PEX14: variants seen among roughly 807,000 people sequenced by gnomAD.
PEX14 encodes the protein peroxisomal membrane protein PEX14.
Under a neutral mutation model 49.5 loss-of-function variants are expected in PEX14, and 15 were observed. The observed-to-expected ratio is 0.30, with a 90% CI of 0.20 to 0.47. PEX14 has a LOEUF of 0.47. PEX14 is among the 20% of genes least tolerant of loss of function. PEX14 has a pLI of 1.00. For missense variants in PEX14, 398 were observed against 494.8 expected (o/e 0.80, Z 1.86); for synonymous variants, 210 against 212.7 (o/e 0.99, Z 0.11).
chr1:10,520,153 T>TTTTTTTTTTTTTG (rs754714815), intron 2 of PEX14, among the ~76,000 whole-genome samples: 13 of 91,912 alleles, frequency 1.4e-4, no homozygotes, highest in Admixed American at 1.1e-3. Context: ...TTCTTCTTTT[T>TTTTTTTTTTTTTG]TTTTTTTTTG....
intron 2 of PEX14, among the ~76,000 whole-genome samples, chr1:10,508,704 C>T (rs1641832508): frequency 6.6e-6 from 1 of 152,232 alleles, no homozygotes; most frequent in Non-Finnish European, 1.5e-5. Flanking sequence ...TGGTTGCAGT[C>T]CACACGGGGA....
At chr1:10,487,212 G>A (rs1641385235) in intron 1 of PEX14, among the ~76,000 whole-genome samples, 1 of 151,672 alleles carries the variant, frequency 6.6e-6, no homozygotes, top group African/African-American at 2.4e-5. Flanking sequence ...ATTTCGTTAA[G>A]GATTTTAACA....
intron 3 of PEX14, among the ~76,000 whole-genome samples, chr1:10,598,648 C>T (rs940602801): frequency 1.7e-4 from 26 of 152,336 alleles, no homozygotes; most frequent in African/African-American, 6.3e-4. Flanking sequence ...AAGTTTGGGC[C>T]TGGCCTTGTT....
chr1:10,618,363 C>T lies in PEX14; in HGVS notation c.330C>T (p.Gly110=), dbSNP rs772527603. The part of the protein sequence containing the change: ...SPAGSRWRDY[G]ALAIIMAGIA... ...CAGGCTCCCGATGGCGAGATTACGG[C>T]GCCCTGGCCATCATCATGGCAGGCA... is the stretch of plus-strand genomic sequence containing the variant. Residue 110 remains glycine, a synonymous_variant, in exon 5 of 9, where the codon GGC becomes GGT. Transcript: ENST00000356607. 1.2e-5 allele frequency: 20 copies of T among 1,613,790 alleles called. No homozygotes were observed. Among genetic ancestry groups the T allele is most frequent in the Middle Eastern group, 1.6e-4 (1 of 6,084 alleles).
intron 1 of PEX14, among the ~76,000 whole-genome samples, chr1:10,481,382 C>T (rs989138284): frequency 1.3e-5 from 2 of 152,090 alleles, no homozygotes; most frequent in Non-Finnish European, 2.9e-5. Context: ...TCAAGTGATC[C>T]ACCCACCTCG....
chr1:10,532,607 T>G (rs1439765804), intron 2 of PEX14, among the ~76,000 whole-genome samples: 3 of 152,206 alleles, frequency 2.0e-5, no homozygotes, highest in Non-Finnish European at 2.9e-5. Flanking sequence ...TCTCCCTGGC[T>G]TGCTGCACTC....
intron 4 of PEX14, among the ~76,000 whole-genome samples, chr1:10,614,112 T>C (rs1284761101): frequency 6.6e-6 from 1 of 151,970 alleles, no homozygotes; most frequent in African/African-American, 2.4e-5. Flanking sequence ...TGGCTGGGAG[T>C]TTGAGCTAGT....
intron 1 of PEX14, among the ~76,000 whole-genome samples, chr1:10,479,195 A>G (rs987398157): frequency 1.3e-5 from 2 of 151,900 alleles, no homozygotes; most frequent in South Asian, 4.2e-4. Flanking sequence ...TTTGCAATAT[A>G]GGGAGACCTC....
chr1:10,560,502 A>G (rs1376254280), intron 3 of PEX14, among the ~76,000 whole-genome samples: 1 of 152,066 alleles, frequency 6.6e-6, no homozygotes, highest in East Asian at 1.9e-4. Flanking sequence ...ATCTGGGACC[A>G]CAGGTGTGCA....
chr1:10,586,973 G>C (rs1640512680), intron 3 of PEX14, among the ~76,000 whole-genome samples: 1 of 151,938 alleles, frequency 6.6e-6, no homozygotes, highest in African/African-American at 2.4e-5. Flanking sequence ...CAAGCAAACT[G>C]AATCTGTGGT....
rs138362067 is a variant in PEX14, at chr1:10,579,930, C to T, written c.170-19308C>T. Among the ~76,000 whole-genome samples the T allele has an allele frequency of 2.6e-5, 4 of 152,124 alleles. 1 individual carries two copies. The East Asian group carries it at 7.8e-4, about 30-fold the overall frequency. ...TTTGGAAATGCATCCCAGTAGGTTTCAGCCTCATTTTACCCAGCTCCTACT... is the reference window on the plus strand; with the variant it reads ...TTTGGAAATGCATCCCAGTAGGTTTTAGCCTCATTTTACCCAGCTCCTACT... On this transcript the variant is annotated intron_variant, in intron 3 of 8. Transcript: ENST00000356607.
chr1:10,599,596 T>C (rs1362734349), intron 4 of PEX14, among the ~76,000 whole-genome samples: 1 of 152,270 alleles, frequency 6.6e-6, no homozygotes, highest in Non-Finnish European at 1.5e-5. Flanking sequence ...AATGATTTTA[T>C]TGTTGTTTCA....
intron 3 of PEX14, among the ~76,000 whole-genome samples, chr1:10,586,790 C>A (rs1013691356): frequency 6.6e-6 from 1 of 151,960 alleles, no homozygotes; most frequent in Admixed American, 6.6e-5. Context: ...CAGGTGCCCA[C>A]CACCATGCCC....
At chr1:10,526,292 C>T (rs951840248) in intron 2 of PEX14, among the ~76,000 whole-genome samples, 6 of 149,690 alleles carry the variant, frequency 4.0e-5, no homozygotes, top group Non-Finnish European at 5.9e-5. Context: ...CGTGATAGCT[C>T]GCTGCAGCCT....
chr1:10,553,381 G>A (rs189312194), intron 3 of PEX14, among the ~76,000 whole-genome samples: 1 of 152,210 alleles, frequency 6.6e-6, no homozygotes, highest in East Asian at 1.9e-4. Flanking sequence ...AGGGAGGTGC[G>A]GGGGACCCTG....
At chr1:10,604,113 G>T (rs1410656297) in intron 4 of PEX14, among the ~76,000 whole-genome samples, 1 of 152,186 alleles carries the variant, frequency 6.6e-6, no homozygotes, top group East Asian at 1.9e-4. Context: ...GCTCTCTCTG[G>T]TTGCTCCCGT....
Position 10,474,987 on chromosome 1 carries a change from A to G in PEX14, c.21A>G (p.Ala7=). MASSEQ[A]EQPSQPSSTP... is the part of the protein sequence containing the mutation. Reference sequence around the variant, plus strand: ...GAAAGATGGCGTCCTCGGAGCAGGCAGAGCAGCCGAGCCAGGTAAGGGGAG... The same window carrying G: ...GAAAGATGGCGTCCTCGGAGCAGGCGGAGCAGCCGAGCCAGGTAAGGGGAG... The change falls in exon 1 of 9, where the codon GCA becomes GCG. Residue 7 remains alanine (A), a synonymous_variant. Coordinates refer to ENST00000356607, the MANE Select transcript of PEX14 (RefSeq NM_004565.3). 6.2e-7 allele frequency: 1 copy of G among 1,609,774 alleles called. No homozygotes were observed. Among genetic ancestry groups the G allele is most frequent in the Non-Finnish European group, 8.5e-7 (1 of 1,178,516 alleles).
At chr1:10,569,467 C>T (rs763927402) in intron 3 of PEX14, among the ~76,000 whole-genome samples, 1 of 152,174 alleles carries the variant, frequency 6.6e-6, no homozygotes, top group Non-Finnish European at 1.5e-5. Flanking sequence ...GTCTGGACTG[C>T]GCTCTCTAGA....
At chr1:10,503,273 C>T (rs1320169144) in intron 2 of PEX14, among the ~76,000 whole-genome samples, 12 of 79,286 alleles carry the variant, frequency 1.5e-4, no homozygotes, top group Non-Finnish European at 2.8e-4. Flanking sequence ...CAGAGCAAGA[C>T]TCTGTCTCAA....
Sources: gnomAD v4.1 joint callset for allele counts (sites outside exome capture counted in the v4.1 genomes callset) on GRCh38, gnomAD v4.1.1 for gene constraint, MANE v1.5 for transcripts, NCBI Gene and HGNC (gene_info 2026-07-23, HGNC 2026-07-21) for gene names.